The following C1orf74 variants were observed in gnomAD, a reference collection of about 807,000 sequenced individuals.
C1orf74 encodes the protein UPF0739 protein C1orf74.
C1orf74 carries 5 observed loss-of-function variants against 7.3 expected under a neutral mutation model. The ratio of observed to expected loss-of-function variants is 0.68; its 90% CI spans 0.36 to 1.44. The LOEUF (loss-of-function observed/expected upper bound fraction) is 1.44. C1orf74 is among the 40% of genes most tolerant of loss of function. C1orf74 has a pLI of 0.04. For synonymous variants in C1orf74, 121 were observed against 132.5 expected (o/e 0.91, Z 0.59); for missense variants, 291 against 314.3 (o/e 0.93, Z 0.56).
chr1:209,779,508 G>A lies in C1orf74; in HGVS notation c.*3317C>T. 1 of 768,696 alleles carries A rather than the reference G, an allele frequency of 1.3e-6. No homozygotes were observed. Among genetic ancestry groups the A allele is most frequent in the Non-Finnish European group, 2.3e-6 (1 of 428,514 alleles). The allele number at this position is 768,696 out of a possible 1,614,324, so 47.6% of individuals were successfully genotyped here. ...TCTGTTAAGTCCGGGATGTGTGGGA[G>A]CTTTTTAAGGACTGATCATTGGCTC... On this transcript the variant is annotated 3_prime_UTR_variant, in exon 2 of 2. Transcript: ENST00000294811.
In C1orf74 at chr1:209,781,925, G is replaced by A. The variant is rs575061853; in HGVS notation, c.*900C>T. On this transcript the variant is annotated 3_prime_UTR_variant, in exon 2 of 2. Transcript: ENST00000294811. ...GACAGGTGACAAAATGGGAGACAGA[G>A]TAAAAAGCTTTTTCTCCACCACCAA... 2.3e-5 allele frequency: 16 copies of A among 682,532 alleles called. No homozygotes were observed. The Admixed American group carries it at 3.6e-4, about 15-fold the overall frequency. 42.3% of individuals were successfully genotyped at this position (682,532 alleles called of 1,614,324 possible).
Position 209,781,820 on chromosome 1 carries a change from A to C in C1orf74, c.*1005T>G. Reference sequence around the variant, plus strand: ...GGTTATTTTCCACCCTTCATTATTCATATCAGTATTTATATATCTGGTCCC... The same window carrying C: ...GGTTATTTTCCACCCTTCATTATTCCTATCAGTATTTATATATCTGGTCCC... On this transcript the variant is annotated 3_prime_UTR_variant, in exon 2 of 2. Transcript: ENST00000294811. The C allele has an allele frequency of 1.8e-6, 1 of 545,570 alleles. No homozygotes were observed. 33.8% of individuals were successfully genotyped at this position (545,570 alleles called of 1,614,324 possible).
Position 209,780,637 on chromosome 1 carries a change from CA to C in C1orf74, c.*2187del. 1.3e-6 allele frequency: 2 copies of C among 1,490,982 alleles called. No individual in the cohort carries two copies. Among genetic ancestry groups the C allele is most frequent in the South Asian group, 2.6e-5 (2 of 75,764 alleles). 92.4% of individuals were successfully genotyped at this position (1,490,982 alleles called of 1,614,324 possible). On this transcript the variant is annotated 3_prime_UTR_variant, in exon 2 of 2. Coordinates refer to ENST00000294811, the MANE Select transcript of C1orf74 (RefSeq NM_152485.4). Reference sequence around the variant, plus strand: ...AGGGTGACCTGAGATAGTGAGGGCTCATTTGCGAAATAGCAGAGAAACCTGG... The same window carrying C: ...AGGGTGACCTGAGATAGTGAGGGCTCTTTGCGAAATAGCAGAGAAACCTGG...
In C1orf74 at chr1:209,780,611, G is replaced by A. The variant is rs377642925; in HGVS notation, c.*2214C>T. The A allele has an allele frequency of 2.3e-5, 37 of 1,580,118 alleles. No homozygotes were observed. The highest frequency in any genetic ancestry group is 8.9e-5 in the Admixed American group (5 of 56,480). On this transcript the variant is annotated 3_prime_UTR_variant, in exon 2 of 2. Coordinates refer to ENST00000294811, the MANE Select transcript of C1orf74 (RefSeq NM_152485.4). ...CTCCAGGCCAAGGAAAAGGAGGTGA[G>A]AGGGTGACCTGAGATAGTGAGGGCT...
rs750588390 is a variant in C1orf74 at position 209,779,450 on chromosome 1, A to G, written c.*3375T>C. On this transcript the variant is annotated 3_prime_UTR_variant, in exon 2 of 2. Coordinates refer to ENST00000294811, the MANE Select transcript of C1orf74 (RefSeq NM_152485.4). ...GCCTAGAGGCAGCGGGATGGACTAC[A>G]TGACCTCCTGGAGTCCCAGCCAGTT... 1.5e-6 allele frequency: 2 copies of G among 1,310,590 alleles called. No individual in the cohort carries two copies. The highest frequency in any genetic ancestry group is 3.4e-5 in the Admixed American group (2 of 58,116). The allele number at this position is 1,310,590 out of a possible 1,614,324, so 81.2% of individuals were successfully genotyped here. A position where few individuals can be genotyped will look rare whatever the true frequency, so the allele number is the denominator to read the frequency against.
At position 209,781,482 on chromosome 1, in the gene C1orf74, A is replaced by G; in HGVS notation, c.*1343T>C. On this transcript the variant is annotated 3_prime_UTR_variant, in exon 2 of 2. Transcript: ENST00000294811. Reference sequence around the variant, plus strand: ...GAGTAAGAGGGTCTCTCCTTCCCATAAAGCCCTGGATGATGGGACGATTCC... The same window carrying G: ...GAGTAAGAGGGTCTCTCCTTCCCATGAAGCCCTGGATGATGGGACGATTCC... 6.5e-7 allele frequency: 1 copy of G among 1,540,088 alleles called. No homozygotes were observed. Among genetic ancestry groups the G allele is most frequent in the Non-Finnish European group, 9.0e-7 (1 of 1,113,404 alleles).
rs747211446 is a variant in C1orf74 at position 209,779,446 on chromosome 1, C to CTACA, written c.*3375_*3378dup. The CTACA allele has an allele frequency of 7.5e-7, 1 of 1,326,992 alleles. No homozygotes were observed. Among genetic ancestry groups the CTACA allele is most frequent in the Non-Finnish European group, 1.1e-6 (1 of 920,998 alleles). 82.2% of individuals were successfully genotyped at this position (1,326,992 alleles called of 1,614,324 possible). ...ACCTGCCTAGAGGCAGCGGGATGGA[C>CTACA]TACATGACCTCCTGGAGTCCCAGCC... is the stretch of plus-strand genomic sequence containing the variant. On this transcript the variant is annotated 3_prime_UTR_variant, in exon 2 of 2. Transcript: ENST00000294811.
Position 209,782,193 on chromosome 1 carries a change from C to A in C1orf74, c.*632G>T. On this transcript the variant is annotated 3_prime_UTR_variant, in exon 2 of 2. Coordinates refer to ENST00000294811, the MANE Select transcript of C1orf74 (RefSeq NM_152485.4). ...TTGGGTGAAAATCAGAAGCAAGCAA[C>A]TCAGCGAAAAACTCAGAAGGTTTGG... 2 of 1,527,744 alleles carry A rather than the reference C, an allele frequency of 1.3e-6. No individual in the cohort carries two copies. Among genetic ancestry groups the A allele is most frequent in the Non-Finnish European group, 1.8e-6 (2 of 1,101,338 alleles). 94.6% of individuals were successfully genotyped at this position (1,527,744 alleles called of 1,614,324 possible).
intron 1 of C1orf74, 76 bp from the exon 2 acceptor site, chr1:209,783,785 T>A (rs1362421357): frequency 1.4e-5 from 9 of 643,968 alleles, no homozygotes; most frequent in Non-Finnish European, 2.1e-5. Flanking sequence ...GGTTATTCTG[T>A]CCCTCCCTGC....
Position 209,781,269 on chromosome 1 carries a change from C to A in C1orf74, c.*1556G>T, listed in dbSNP as rs924712316. The A allele has an allele frequency of 5.3e-6, 5 of 942,360 alleles. No homozygotes were observed. The highest frequency in any genetic ancestry group is 4.9e-5 in the African/African-American group (3 of 60,896). 58.4% of individuals were successfully genotyped at this position (942,360 alleles called of 1,614,324 possible). A position where few individuals can be genotyped will look rare whatever the true frequency, so the allele number is the denominator to read the frequency against. Reference sequence around the variant, plus strand: ...AAAAATTCCAAATGAGTGAAACTTACAAAGGGCAGTCTCCCCTGCCTGGGC... The same window carrying A: ...AAAAATTCCAAATGAGTGAAACTTAAAAAGGGCAGTCTCCCCTGCCTGGGC... On this transcript the variant is annotated 3_prime_UTR_variant, in exon 2 of 2. Transcript: ENST00000294811.
Position 209,779,721 on chromosome 1 carries a change from C to T in C1orf74, c.*3104G>A. ...CATCCAACTCCCCAGCCCCAAACCA[C>T]ATAGCAGTCCAGAGTCAACTCACTG... is the stretch of plus-strand genomic sequence containing the variant. On this transcript the variant is annotated 3_prime_UTR_variant, in exon 2 of 2. Coordinates refer to ENST00000294811, the MANE Select transcript of C1orf74 (RefSeq NM_152485.4). The T allele has an allele frequency of 1.7e-6, 1 of 580,788 alleles. No individual in the cohort carries two copies. The highest frequency in any genetic ancestry group is 3.1e-6 in the Non-Finnish European group (1 of 327,866). 36.0% of individuals were successfully genotyped at this position (580,788 alleles called of 1,614,324 possible). A position where few individuals can be genotyped will look rare whatever the true frequency, so the allele number is the denominator to read the frequency against.
At position 209,780,406 on chromosome 1, in the gene C1orf74, C is replaced by G; in HGVS notation, c.*2419G>C. ...CCTCTCCCCACTCCTAGTGGTTTCA[C>G]CCTCAGGGCCCTTCCTCAGAGGTGT... On this transcript the variant is annotated 3_prime_UTR_variant, in exon 2 of 2. Transcript: ENST00000294811. 7.1e-7 allele frequency: 1 copy of G among 1,405,404 alleles called. No individual in the cohort carries two copies. Among genetic ancestry groups the G allele is most frequent in the Non-Finnish European group, 9.4e-7 (1 of 1,065,494 alleles). 87.1% of individuals were successfully genotyped at this position (1,405,404 alleles called of 1,614,324 possible). A position where few individuals can be genotyped will look rare whatever the true frequency, so the allele number is the denominator to read the frequency against.
chr1:209,783,623 T>A lies in C1orf74; in HGVS notation c.12A>T (p.Leu4=). Residue 4 remains leucine (L), a synonymous_variant, in exon 2 of 2, where the codon CTA becomes CTT. Coordinates refer to ENST00000294811, the MANE Select transcript of C1orf74 (RefSeq NM_152485.4). Reference sequence around the variant, plus strand: ...GAGGGCTCGGTGATGACATGAGATCTAGAAGCAACATCAAGAATGGCCTCC... The same window carrying A: ...GAGGGCTCGGTGATGACATGAGATCAAGAAGCAACATCAAGAATGGCCTCC... The part of the protein sequence containing the change: MLL[L]DLMSSPSPQL... 6.3e-7 allele frequency: 1 copy of A among 1,583,682 alleles called. No individual in the cohort carries two copies.
At position 209,783,019 on chromosome 1, in the gene C1orf74, G is replaced by A. The variant is rs371795195; in HGVS notation, c.616C>T (p.Arg206Trp). ...GGTTGACCTAGCAACCATGAGATCCGGGCAGTGAATACTCGTAGTGGAGTC... is the reference window on the plus strand; with the variant it reads ...GGTTGACCTAGCAACCATGAGATCCAGGCAGTGAATACTCGTAGTGGAGTC... ...ALTPLRVFTA[R>W]ISWLLGQPPI... The change falls in exon 2 of 2, where the codon CGG becomes TGG. Residue 206 changes from arginine (R) to tryptophan (W), a missense_variant. Coordinates refer to ENST00000294811, the MANE Select transcript of C1orf74 (RefSeq NM_152485.4). The A allele has an allele frequency of 1.5e-5, 25 of 1,614,036 alleles. No individual in the cohort carries two copies. In the East Asian group the frequency reaches 2.0e-4, roughly 13 times the overall value.
Position 209,782,937 on chromosome 1 carries a change from T to A in C1orf74, c.698A>T (p.Asp233Val), listed in dbSNP as rs1431905626. 6.2e-7 allele frequency: 1 copy of A among 1,614,122 alleles called. No homozygotes were observed. The highest frequency in any genetic ancestry group is 8.5e-7 in the Non-Finnish European group (1 of 1,180,004). Residue 233 changes from aspartate (D) to valine (V), a missense_variant, in exon 2 of 2, where the codon GAC (aspartate) becomes GTC (valine). By Grantham distance (152) the Asp-to-Val change is radical (BLOSUM62 -3). Coordinates refer to ENST00000294811, the MANE Select transcript of C1orf74 (RefSeq NM_152485.4). ...VPESLFPGLR[D>V]ILNTWEKDLR... ...GTCCTTCTCCCAGGTGTTTAGAATGTCCCTCAGGCCTGGGAACAAACTCTC... is the reference window on the plus strand; with the variant it reads ...GTCCTTCTCCCAGGTGTTTAGAATGACCCTCAGGCCTGGGAACAAACTCTC...
In C1orf74 at chr1:209,784,508, A is replaced by G. The variant is rs1030621631; in HGVS notation, c.-206T>C. On this transcript the variant is annotated 5_prime_UTR_variant, in exon 1 of 2. Transcript: ENST00000294811. ...CACTGGAAAACCCGCCTGCGCTGGG[A>G]AGACCCTCGCAGCCCGCTCTGCTCC... is the stretch of plus-strand genomic sequence containing the variant. 1 of 152,258 alleles carries G rather than the reference A, an allele frequency of 6.6e-6. No homozygotes were observed. The highest frequency in any genetic ancestry group is 1.5e-5 in the Non-Finnish European group (1 of 68,040). The allele number at this position is 152,258 out of a possible 1,614,324, so 9.4% of individuals were successfully genotyped here.
chr1:209,782,882 GTCAT>G lies in C1orf74; in HGVS notation c.749_752del (p.Asn250ThrfsTer11). On this transcript the variant is annotated frameshift_variant, in exon 2 of 2. Transcript: ENST00000294811. LOFTEE classifies it high-confidence loss of function. ...CAGAGGAGATGCTGAGATCAGCAAA[GTCAT>G]TCTGAGTCCTAAATCGGGTTCTGAG... is the stretch of plus-strand genomic sequence containing the variant. 1 of 1,614,162 alleles carries G rather than the reference GTCAT, an allele frequency of 6.2e-7. No homozygotes were observed. Among genetic ancestry groups the G allele is most frequent in the Non-Finnish European group, 8.5e-7 (1 of 1,180,020 alleles).
rs759508035 is a variant in C1orf74 at position 209,779,420 on chromosome 1, T to G, written c.*3405A>C. On this transcript the variant is annotated 3_prime_UTR_variant, in exon 2 of 2. Transcript: ENST00000294811. The stretch of plus-strand genomic sequence containing the variant: ...AAATTCTAAGATATTGCTCTTCTCT[T>G]ACCTGCCTAGAGGCAGCGGGATGGA... 6.4e-7 allele frequency: 1 copy of G among 1,555,096 alleles called. No homozygotes were observed. Among genetic ancestry groups the G allele is most frequent in the Non-Finnish European group, 8.9e-7 (1 of 1,126,414 alleles).
At position 209,783,298 on chromosome 1, in the gene C1orf74, C is replaced by A. The variant is rs746543154; in HGVS notation, c.337G>T (p.Ala113Ser). The change falls in exon 2 of 2, where the codon GCC (alanine) becomes TCC (serine). Residue 113 changes from alanine (A) to serine (S), a missense_variant. By Grantham distance (99) the Ala-to-Ser change is moderately conservative. Transcript: ENST00000294811. ...TGGCAGCTGGAAACATCCACAAAGG[C>A]TATGGTACCAAGCAGCACCTGCTCC... ...HLEQVLLGTI[A>S]FVDVSSCQRH... The A allele has an allele frequency of 6.2e-7, 1 of 1,614,172 alleles. No homozygotes were observed. The highest frequency in any genetic ancestry group is 1.1e-5 in the South Asian group (1 of 91,080).
Sources: allele counts gnomAD v4.1 joint callset, GRCh38; gene constraint gnomAD v4.1.1; transcripts MANE v1.5; gene names NCBI Gene and HGNC (gene_info 2026-07-23, HGNC 2026-07-21).